The following EIF4A2 variants were observed in gnomAD, a reference collection of about 807,000 sequenced individuals.
EIF4A2 encodes eukaryotic initiation factor 4A-II.
EIF4A2 carries 9 observed loss-of-function variants against 50.6 expected under a neutral mutation model. The ratio of observed to expected loss-of-function variants is 0.18; its 90% CI spans 0.11 to 0.31. EIF4A2 has a LOEUF of 0.31. EIF4A2 is among the 10% of genes least tolerant of loss of function. The pLI, the probability that EIF4A2 is intolerant of heterozygous loss-of-function variation, is 1.00. For missense variants in EIF4A2, 182 were observed against 501.8 expected, an observed-to-expected ratio of 0.36 and a Z score of 6.09; for synonymous variants, 215 against 164.4, an observed-to-expected ratio of 1.31 and a Z score of -2.35.
At chr3:186,787,642 T>G (rs748527990) in intron 9 of EIF4A2, 58 bp downstream of exon 9, 1 of 1,608,146 alleles carries the variant, frequency 6.2e-7, no homozygotes, top group Admixed American at 1.7e-5. Flanking sequence ...GGGGGGCAGG[T>G]TTTTAAGTAA....
chr3:186,789,292 T>A lies in EIF4A2; in HGVS notation c.*23T>A. The A allele has an allele frequency of 6.3e-7, 1 of 1,597,930 alleles. No individual in the cohort carries two copies. Among genetic ancestry groups the A allele is most frequent in the Admixed American group, 1.7e-5 (1 of 57,940 alleles). The stretch of plus-strand genomic sequence containing the variant: ...TAATTCCTGGGATGAGAGTTTTGGA[T>A]GCAGTGCTCGCTGTTGCTGAATAGG... On this transcript the variant is annotated 3_prime_UTR_variant, in exon 11 of 11. Coordinates refer to ENST00000323963, the MANE Select transcript of EIF4A2 (RefSeq NM_001967.4).
chr3:186,787,437 T>C (rs1302096509), intron 8 of EIF4A2, 58 bp from the exon 9 acceptor site: 2 of 1,611,320 alleles, frequency 1.2e-6, no homozygotes, highest in African/African-American at 1.3e-5. Context: ...TACATGTTGA[T>C]TAAAATTAAA....
chr3:186,784,211 C>T (rs932377884), intron 1 of EIF4A2: 14 of 622,692 alleles, frequency 2.2e-5, no homozygotes, highest in Non-Finnish European at 3.8e-5. Flanking sequence ...GCAGTTGAAA[C>T]GGGATCGCCA....
At chr3:186,787,655 T>G in intron 9 of EIF4A2, 71 bp downstream of exon 9, 2 of 1,602,146 alleles carry the variant, frequency 1.2e-6, no homozygotes, top group Non-Finnish European at 1.7e-6. Flanking sequence ...TTAAGTAACC[T>G]TTGCCAACTT....
intron 4 of EIF4A2, 79 bp downstream of exon 4, chr3:186,785,180 T>G (rs1252710286): frequency 1.9e-6 from 3 of 1,569,442 alleles, no homozygotes; most frequent in Non-Finnish European, 2.6e-6. Context: ...AATTTAAAAC[T>G]TAGTATAAAT....
At chr3:186,783,962 A>G (rs1158221598) in intron 1 of EIF4A2, 1 of 451,470 alleles carries the variant, frequency 2.2e-6, no homozygotes, top group Non-Finnish European at 4.0e-6. Context: ...CACTGTAACC[A>G]GGACCCGAAG....
Position 186,786,201 on chromosome 3 carries a change from A to C in EIF4A2, c.555A>C (p.Ala185=). ...TCAAAATGTTTGTTTTGGATGAAGC[A>C]GATGAAATGTTGAGCCGTGGTTTTA... ...KWIKMFVLDE[A]DEMLSRGFKD... The change falls in exon 6 of 11, where the codon GCA becomes GCC. Residue 185 remains alanine, a synonymous_variant. Coordinates refer to ENST00000323963, the MANE Select transcript of EIF4A2 (RefSeq NM_001967.4). 1 of 1,614,018 alleles carries C rather than the reference A, an allele frequency of 6.2e-7. No individual in the cohort carries two copies. The highest frequency in any genetic ancestry group is 8.5e-7 in the Non-Finnish European group (1 of 1,179,964).
intron 6 of EIF4A2, 38 bp from the exon 7 acceptor site, chr3:186,786,464 G>A (rs1296623261): frequency 1.9e-6 from 3 of 1,605,296 alleles, no homozygotes; most frequent in Non-Finnish European, 2.6e-6. Context: ...GGGTATTAAT[G>A]TGTAAGTTGT....
intron 1 of EIF4A2, chr3:186,783,908 G>A: frequency 1.9e-6 from 1 of 536,072 alleles, no homozygotes; most frequent in Non-Finnish European, 3.3e-6. Context: ...TGTAGAGCAC[G>A]GGAAACATGG....
At chr3:186,784,214 G>C (rs571805774) in intron 1 of EIF4A2, 222 of 631,846 alleles carry the variant, frequency 3.5e-4, no homozygotes, top group African/African-American at 3.4e-3. Flanking sequence ...GTTGAAACGG[G>C]ATCGCCATGC....
intron 7 of EIF4A2, 143 bp downstream of exon 7, chr3:186,786,788 AAGAC>A: frequency 8.5e-7 from 1 of 1,176,628 alleles, no homozygotes; most frequent in Admixed American, 1.7e-5. Context: ...CTAGATTGTA[AAGAC>A]TGGGGTGGAC....
chr3:186,787,451 C>T lies in EIF4A2; in HGVS notation c.910-44C>T, dbSNP rs200260095. The T allele has an allele frequency of 4.2e-5, 67 of 1,611,416 alleles. 1 individual carries two copies. The African/African-American group carries it at 4.3e-4, about 10-fold the overall frequency. ...ATACATGTTGATTAAAATTAAATAC[C>T]GACCTGACTGGTGATTCTTGAATTA... On this transcript the variant is annotated intron_variant, in intron 8 of 10. Transcript: ENST00000323963.
At chr3:186,784,286 A>G (rs1721560772) in intron 1 of EIF4A2, 146 bp from the exon 2 acceptor site, 4 of 1,185,024 alleles carry the variant, frequency 3.4e-6, no homozygotes, top group East Asian at 2.4e-5. Context: ...GGGAAGGCGC[A>G]CAGTGTGGAT....
intron 3 of EIF4A2, 81 bp downstream of exon 3, chr3:186,784,777 C>T: frequency 1.9e-6 from 3 of 1,606,014 alleles, no homozygotes; most frequent in Non-Finnish European, 2.5e-6. Flanking sequence ...GGGGGACTAG[C>T]ACCTGTTTGT....
rs1011424812 is a variant in EIF4A2 at position 186,788,053 on chromosome 3, A to G, written c.1079+171A>G. 9 of 791,600 alleles carry G rather than the reference A, an allele frequency of 1.1e-5. No homozygotes were observed. The African/African-American group carries it at 1.2e-4, about 11-fold the overall frequency. The allele number at this position is 791,600 out of a possible 1,614,324, so 49.0% of individuals were successfully genotyped here. A position where few individuals can be genotyped will look rare whatever the true frequency, so the allele number is the denominator to read the frequency against. ...GAAGGTTGATGAGAACAAAGTGGGA[A>G]AACTTGTAAACATTGCCCAGATTGT... is the stretch of plus-strand genomic sequence containing the variant. On this transcript the variant is annotated intron_variant, in intron 10 of 10. Transcript: ENST00000323963.
intron 10 of EIF4A2, chr3:186,788,727 A>G (rs1160930019): frequency 4.3e-6 from 1 of 233,956 alleles, no homozygotes; most frequent in Non-Finnish European, 8.5e-6. Flanking sequence ...TTTACAGTTT[A>G]CAGTTCCAGA....
At chr3:186,788,414 C>A in intron 10 of EIF4A2, 2 of 1,262,338 alleles carry the variant, frequency 1.6e-6, no homozygotes, top group Non-Finnish European at 2.0e-6. Context: ...GAATAAAGAG[C>A]GAGTCGGTAT....
In EIF4A2 at chr3:186,787,024, C is replaced by T. The variant is rs1721770484; in HGVS notation, c.772-103C>T. 4.1e-6 allele frequency: 6 copies of T among 1,456,690 alleles called. No homozygotes were observed. The Admixed American group carries it at 9.1e-5, about 22-fold the overall frequency. The allele number at this position is 1,456,690 out of a possible 1,614,324, so 90.2% of individuals were successfully genotyped here. ...CTCTAAGTGCTAGGATCCCAAAGGG[C>T]TGGGATTACAGGCATTAGCACTGTG... On this transcript the variant is annotated intron_variant, in intron 7 of 10. Transcript: ENST00000323963.
In EIF4A2 at chr3:186,785,791, T is replaced by C. The variant is rs1579159548; in HGVS notation, c.349-92T>C. On this transcript the variant is annotated intron_variant, in intron 4 of 10. Transcript: ENST00000323963. ...TTGTGCTGTGCATGCATAAAAGCTG[T>C]TGGCAGACCAGATTATATTTGCCTT... The C allele has an allele frequency of 2.7e-6, 4 of 1,484,758 alleles. No individual in the cohort carries two copies. The East Asian group carries it at 9.2e-5, about 34-fold the overall frequency. The allele number at this position is 1,484,758 out of a possible 1,614,324, so 92.0% of individuals were successfully genotyped here. A position where few individuals can be genotyped will look rare whatever the true frequency, so the allele number is the denominator to read the frequency against.
Sources: allele counts gnomAD v4.1 joint callset, GRCh38; gene constraint gnomAD v4.1.1; transcripts MANE v1.5; gene names NCBI Gene and HGNC (gene_info 2026-07-23, HGNC 2026-07-21).